HSPG2: variants seen among roughly 807,000 people sequenced by gnomAD.
HSPG2 encodes the protein basement membrane-specific heparan sulfate proteoglycan core protein.
HSPG2 carries 278 observed loss-of-function variants against 526.6 expected under a neutral mutation model. The ratio of observed to expected loss-of-function variants is 0.53; its 90% CI spans 0.48 to 0.58. The LOEUF (loss-of-function observed/expected upper bound fraction) is 0.58. Ranked by LOEUF, HSPG2 falls within the 20% of genes least tolerant of loss-of-function variation. HSPG2 has a pLI of 0.00. For synonymous variants in HSPG2, 2,465 were observed against 2,555.4 expected, an observed-to-expected ratio of 0.96 and a Z score of 1.07; for missense variants, 5,354 against 6,099.5, an observed-to-expected ratio of 0.88 and a Z score of 4.07.
At position 21,878,815 on chromosome 1, in the gene HSPG2, G is replaced by T. The variant is rs774647223; in HGVS notation, c.2472-152C>A. ...GGCAGCCTCACAGCAACTGTAGGAA[G>T]TCAGGGGGCCCATTATACAGAAAAG... On this transcript the variant is annotated intron_variant, in intron 18 of 96. Transcript: ENST00000374695. 106 of 1,183,416 alleles carry T rather than the reference G, an allele frequency of 9.0e-5. 3 individuals carry two copies. The South Asian group carries it at 1.2e-3, about 14-fold the overall frequency. 73.3% of individuals were successfully genotyped at this position (1,183,416 alleles called of 1,614,324 possible).
intron 30 of HSPG2, 123 bp from the exon 31 acceptor site, chr1:21,873,214 G>C: frequency 8.7e-7 from 1 of 1,147,852 alleles, no homozygotes; most frequent in East Asian, 2.3e-5. Flanking sequence ...ACACTCTCAC[G>C]ACAGCCCTCG....
rs1173966183 is a variant in HSPG2, at chr1:21,870,330, G to C, written c.4221+1856C>G. 4 of 982,652 alleles carry C rather than the reference G, an allele frequency of 4.1e-6. No homozygotes were observed. The East Asian group carries it at 3.4e-4, about 83-fold the overall frequency. 60.9% of individuals were successfully genotyped at this position (982,652 alleles called of 1,614,324 possible). On this transcript the variant is annotated intron_variant, in intron 33 of 96. Coordinates refer to ENST00000374695, the MANE Select transcript of HSPG2 (RefSeq NM_005529.7). Reference sequence around the variant, plus strand: ...ATGTGCGGTTCTGATGAAATGGAGGGAGCAGGCGAGCTAAGACCTCCCAAA... The same window carrying C: ...ATGTGCGGTTCTGATGAAATGGAGGCAGCAGGCGAGCTAAGACCTCCCAAA...
rs765910395 is a variant in HSPG2 at position 21,847,921 on chromosome 1, G to T, written c.7873+37C>A. On this transcript the variant is annotated intron_variant, in intron 60 of 96. Transcript: ENST00000374695. This position sits in a 1 kb window ranked among gnomAD's most constrained non-coding sequence, Gnocchi z 4.1. ...CGGGGACCTCTCTGCCACCCTCTGC[G>T]CCACTTGTCTGTACCCCCTGCCCTC... 9 of 1,613,766 alleles carry T rather than the reference G, an allele frequency of 5.6e-6. No individual in the cohort carries two copies. In the Admixed American group the frequency reaches 8.3e-5, roughly 15 times the overall value.
chr1:21,837,274 A>T (rs748177245), intron 74 of HSPG2, among the ~76,000 whole-genome samples: 1 of 152,118 alleles, frequency 6.6e-6, no homozygotes, highest in Non-Finnish European at 1.5e-5. Context: ...CCACGAAAAG[A>T]GTGGGAGGGA....
chr1:21,879,974 A>G, intron 17 of HSPG2, 133 bp downstream of exon 17: 1 of 1,083,402 alleles, frequency 9.2e-7, no homozygotes, highest in East Asian at 2.4e-5. Context: ...TATTGCATCC[A>G]GAGGTCATGA....
chr1:21,924,039 G>C (rs930382374), intron 1 of HSPG2, among the ~76,000 whole-genome samples: 6 of 152,088 alleles, frequency 3.9e-5, no homozygotes, highest in Middle Eastern at 3.4e-3. Flanking sequence ...AACTGACATG[G>C]ACAGAGCACG....
At position 21,850,396 on chromosome 1, in the gene HSPG2, G is replaced by T; in HGVS notation, c.7261C>A (p.Leu2421Met). 1 of 1,608,840 alleles carries T rather than the reference G, an allele frequency of 6.2e-7. No individual in the cohort carries two copies. Among genetic ancestry groups the T allele is most frequent in the East Asian group, 2.2e-5 (1 of 44,664 alleles). Residue 2421 changes from leucine (L) to methionine (M), a missense_variant, in exon 56 of 97, where the codon CTG becomes ATG. Coordinates refer to ENST00000374695, the MANE Select transcript of HSPG2 (RefSeq NM_005529.7). ...GSSVPLEASVLVTIEPAGSVP... is the reference protein window; with the variant it reads ...GSSVPLEASVMVTIEPAGSVP... Reference sequence around the variant, plus strand: ...GAGCCCGCAGGCTCAATGGTGACCAGGACAGAGGCCTCTAGAGGCACGGAG... The same window carrying T: ...GAGCCCGCAGGCTCAATGGTGACCATGACAGAGGCCTCTAGAGGCACGGAG...
At position 21,872,348 on chromosome 1, in the gene HSPG2, GA is replaced by G; in HGVS notation, c.4058del (p.Phe1353SerfsTer7). 6.3e-7 allele frequency: 1 copy of G among 1,580,202 alleles called. No individual in the cohort carries two copies. Among genetic ancestry groups the G allele is most frequent in the Admixed American group, 1.8e-5 (1 of 55,428 alleles). ...LISTHFAPGD[F>X]QGFALVNPQR... ...GTGGGTTCACCAGGGCAAAGCCTTG[GA>G]AGTCCCCAGGGGCAAAGTGGGTGGA... On this transcript the variant is annotated frameshift_variant, in exon 33 of 97. Transcript: ENST00000374695. LOFTEE classifies it high-confidence loss of function. This position sits in a 1 kb window ranked among gnomAD's most constrained non-coding sequence, Gnocchi z 5.5.
intron 1 of HSPG2, among the ~76,000 whole-genome samples, chr1:21,916,659 T>G (rs991773981): frequency 6.8e-6 from 1 of 146,258 alleles, no homozygotes; most frequent in Non-Finnish European, 1.5e-5. Context: ...GCCATTGCAC[T>G]CCAGCCCAGG....
At chr1:21,855,015 G>C (rs959137285) in intron 47 of HSPG2, 32 bp from the exon 48 acceptor site, 1 of 1,608,440 alleles carries the variant, frequency 6.2e-7, no homozygotes, top group African/African-American at 1.3e-5. Flanking sequence ...AGCTGCCCCA[G>C]AGGCAGCTGG....
intron 91 of HSPG2, among the ~76,000 whole-genome samples, chr1:21,827,004 TAG>T (rs1397286554): frequency 6.6e-6 from 1 of 151,914 alleles, no homozygotes; most frequent in Non-Finnish European, 1.5e-5. Context: ...GGTCAGGAGT[TAG>T]AGACAGGCCT....
Position 21,829,776 on chromosome 1 carries a change from G to A in HSPG2, c.11771-172C>T, listed in dbSNP as rs577828609. On this transcript the variant is annotated intron_variant, in intron 86 of 96. Coordinates refer to ENST00000374695, the MANE Select transcript of HSPG2 (RefSeq NM_005529.7). ...AGGAGCCCCCCTGCCCTTGCACACG[G>A]GGCTGGGAGGAGCTCCAATATGACA... 5.5e-5 allele frequency: 39 copies of A among 710,990 alleles called. No homozygotes were observed. The African/African-American group carries it at 6.2e-4, about 11-fold the overall frequency. 44.0% of individuals were successfully genotyped at this position (710,990 alleles called of 1,614,324 possible).
chr1:21,898,495 C>T lies in HSPG2; in HGVS notation c.64-2185G>A, dbSNP rs934288849. Among the ~76,000 whole-genome samples, 5 of 152,214 alleles carry T rather than the reference C, an allele frequency of 3.3e-5. No homozygotes were observed. Among genetic ancestry groups the T allele is most frequent in the African/African-American group, 7.2e-5 (3 of 41,452 alleles). ...CTGGTGAGAAATGCAGATTCCTGGG[C>T]TCCTTCTCAGAGACAGTGAGTCAGG... On this transcript the variant is annotated intron_variant, in intron 1 of 96. Coordinates refer to ENST00000374695, the MANE Select transcript of HSPG2 (RefSeq NM_005529.7). This position sits in a 1 kb window ranked among gnomAD's most constrained non-coding sequence, Gnocchi z 4.0.
At chr1:21,888,459 AT>A (rs897100667) in intron 6 of HSPG2, among the ~76,000 whole-genome samples, 24 of 152,020 alleles carry the variant, frequency 1.6e-4, no homozygotes, top group African/African-American at 5.8e-4. Flanking sequence ...CCTTTAAAAA[AT>A]TTTTTTCTCT....
At position 21,854,843 on chromosome 1, in the gene HSPG2, C is replaced by G. The variant is rs762127263; in HGVS notation, c.6133+5G>C. On this transcript the variant is annotated splice_donor_5th_base_variant and intron_variant, in intron 48 of 96. Transcript: ENST00000374695. ...CCCACCCCTCCATTCCCAGAGAGTC[C>G]GTACCTGAAAGGACAACCACTTGGA... 1 of 1,613,760 alleles carries G rather than the reference C, an allele frequency of 6.2e-7. No individual in the cohort carries two copies. The highest frequency in any genetic ancestry group is 8.5e-7 in the Non-Finnish European group (1 of 1,179,882).
At position 21,841,173 on chromosome 1, in the gene HSPG2, G is replaced by T. The variant is rs757632616; in HGVS notation, c.9441C>A (p.Thr3147=). The part of the protein sequence containing the change: ...AGEPRSSARW[T]RISSTPAKLE... Reference sequence around the variant, plus strand: ...ACTTGGCAGGGGTGCTGCTGATCCGGGTCCAACGAGCAGAGGAGCGGGGCT... The same window carrying T: ...ACTTGGCAGGGGTGCTGCTGATCCGTGTCCAACGAGCAGAGGAGCGGGGCT... The change falls in exon 71 of 97, where the codon ACC becomes ACA. Residue 3147 remains threonine, a synonymous_variant. Transcript: ENST00000374695. 5.1e-5 allele frequency: 82 copies of T among 1,613,676 alleles called. No individual in the cohort carries two copies. Among genetic ancestry groups the T allele is most frequent in the Non-Finnish European group, 6.2e-5 (73 of 1,180,028 alleles).
rs1001412286 is a variant in HSPG2, at chr1:21,904,777, C to T, written c.64-8467G>A. On this transcript the variant is annotated intron_variant, in intron 1 of 96. Coordinates refer to ENST00000374695, the MANE Select transcript of HSPG2 (RefSeq NM_005529.7). This position sits in a 1 kb window ranked among gnomAD's most constrained non-coding sequence, Gnocchi z 4.4. ...ACTATCTGCCAGGCACCACGGCTGCCGGCAACACCTGCAGCGTTCACGTGC... is the reference window on the plus strand; with the variant it reads ...ACTATCTGCCAGGCACCACGGCTGCTGGCAACACCTGCAGCGTTCACGTGC... Among the ~76,000 whole-genome samples, 34 of 152,286 alleles carry T rather than the reference C, an allele frequency of 2.2e-4. No individual in the cohort carries two copies. The highest frequency in any genetic ancestry group is 3.4e-3 in the Middle Eastern group (1 of 294).
chr1:21,908,198 A>G (rs1643482133), intron 1 of HSPG2: 4 of 868,392 alleles, frequency 4.6e-6, no homozygotes, highest in Non-Finnish European at 7.8e-6. Context: ...ATGCGAATCT[A>G]TAAGAAAGGT....
chr1:21,914,142 C>T (rs558363588), intron 1 of HSPG2, among the ~76,000 whole-genome samples: 24 of 152,336 alleles, frequency 1.6e-4, no homozygotes, highest in African/African-American at 5.8e-4. Flanking sequence ...ACACAATGTT[C>T]TCTGCCCTTG....
Sources: gnomAD v4.1 joint callset for allele counts (sites outside exome capture counted in the v4.1 genomes callset) on GRCh38, gnomAD v4.1.1 for gene constraint, Gnocchi (gnomAD v3.1) non-coding constraint, MANE v1.5 for transcripts, NCBI Gene and HGNC (gene_info 2026-07-23, HGNC 2026-07-21) for gene names.